Variants in UNC5D observed in about 807,000 individuals in gnomAD.
UNC5D encodes unc-5 netrin receptor D, also known as netrin receptor UNC5D.
A neutral mutation model predicts 105.4 loss-of-function variants in UNC5D; 39 were observed. That is an observed-to-expected ratio of 0.37 (90% CI 0.29 to 0.48). The LOEUF is 0.48. UNC5D is among the 20% of genes least tolerant of loss of function. The pLI is 0.98. For missense variants in UNC5D, 991 were observed against 1,202.4 expected (o/e 0.82, Z 2.60); for synonymous variants, 452 against 450.4 (o/e 1.00, Z -0.04).
At position 35,274,899 on chromosome 8, in the gene UNC5D, G is replaced by A. The variant is rs577582506; in HGVS notation, c.103+39012G>A. On this transcript the variant is annotated intron_variant, in intron 1 of 16. Transcript: ENST00000404895. The stretch of plus-strand genomic sequence containing the variant: ...GAGGTTGGGAGTTTGAGACCAGCCT[G>A]GCCAACATGGTGAAACCCCGTCTCT... 3.3e-5 allele frequency among the ~76,000 whole-genome samples: 5 copies of A among 152,076 alleles called. No homozygotes were observed. In the South Asian group the frequency reaches 8.3e-4, roughly 25 times the overall value.
chr8:35,415,201 C>T (rs1337806718), intron 1 of UNC5D, among the ~76,000 whole-genome samples: 1 of 152,046 alleles, frequency 6.6e-6, no homozygotes, highest in Non-Finnish European at 1.5e-5. Flanking sequence ...GTTTCTAAGT[C>T]TGTAATTGAT....
At chr8:35,391,426 G>C (rs1366513984) in intron 1 of UNC5D, among the ~76,000 whole-genome samples, 1 of 151,904 alleles carries the variant, frequency 6.6e-6, no homozygotes, top group Non-Finnish European at 1.5e-5. Context: ...GAAACAAAAG[G>C]GTATTCAATT....
At chr8:35,528,061 T>TA (rs1554550894) in intron 1 of UNC5D, among the ~76,000 whole-genome samples, 1 of 133,558 alleles carries the variant, frequency 7.5e-6, no homozygotes, top group Non-Finnish European at 1.6e-5. Context: ...TTTTTTTTTT[T>TA]ATACTTTAAG....
At chr8:35,643,207 C>G (rs1822858562) in intron 4 of UNC5D, among the ~76,000 whole-genome samples, 1 of 152,180 alleles carries the variant, frequency 6.6e-6, no homozygotes, top group Non-Finnish European at 1.5e-5. Flanking sequence ...CCACTTAGTC[C>G]TGCTTTCCAA....
At chr8:35,540,468 T>G (rs1815197457) in intron 1 of UNC5D, among the ~76,000 whole-genome samples, 1 of 151,864 alleles carries the variant, frequency 6.6e-6, no homozygotes, top group Admixed American at 6.6e-5. Context: ...TGTGTGTGTG[T>G]GTGTGTGTGT....
intron 1 of UNC5D, among the ~76,000 whole-genome samples, chr8:35,458,940 G>A (rs912528751): frequency 6.6e-6 from 1 of 152,154 alleles, no homozygotes; most frequent in Admixed American, 6.6e-5. Context: ...CTCTGTAGTG[G>A]ATGCAGTGGC....
intron 4 of UNC5D, among the ~76,000 whole-genome samples, chr8:35,654,272 G>A (rs768905872): frequency 2.6e-5 from 4 of 152,158 alleles, no homozygotes; most frequent in African/African-American, 7.2e-5. Flanking sequence ...TTGGAGAATA[G>A]ACTTTGGGTG....
At chr8:35,412,379 A>AT (rs1374511735) in intron 1 of UNC5D, among the ~76,000 whole-genome samples, 5 of 151,908 alleles carry the variant, frequency 3.3e-5, no homozygotes, top group Non-Finnish European at 7.4e-5. Context: ...GAAACAAATG[A>AT]TTTGACAGAG....
chr8:35,304,006 C>T (rs547575744), intron 1 of UNC5D, among the ~76,000 whole-genome samples: 2 of 152,182 alleles, frequency 1.3e-5, no homozygotes, highest in African/African-American at 4.8e-5. Flanking sequence ...GGCTATTAGA[C>T]TGCATTTCTC....
At chr8:35,732,852 A>G (rs1829269598) in intron 11 of UNC5D, among the ~76,000 whole-genome samples, 1 of 152,210 alleles carries the variant, frequency 6.6e-6, no homozygotes, top group South Asian at 2.1e-4. Flanking sequence ...CCTCATTTAC[A>G]ACTTACCTGC....
At chr8:35,441,295 T>C (rs1807380499) in intron 1 of UNC5D, among the ~76,000 whole-genome samples, 1 of 151,966 alleles carries the variant, frequency 6.6e-6, no homozygotes, top group Non-Finnish European at 1.5e-5. Context: ...ACAGTAAGAT[T>C]TTGAGAGAGA....
At chr8:35,292,942 G>C (rs1348813371) in intron 1 of UNC5D, among the ~76,000 whole-genome samples, 2 of 151,822 alleles carry the variant, frequency 1.3e-5, no homozygotes, top group Admixed American at 6.6e-5. Context: ...CACCCACCTC[G>C]GCCTTCCAAA....
intron 1 of UNC5D, among the ~76,000 whole-genome samples, chr8:35,491,190 A>C (rs1365039440): frequency 6.6e-6 from 1 of 152,178 alleles, no homozygotes; most frequent in East Asian, 1.9e-4. Flanking sequence ...AATAGGTATC[A>C]AAAAAGGACG....
chr8:35,507,475 G>T (rs943063118), intron 1 of UNC5D, among the ~76,000 whole-genome samples: 1 of 152,116 alleles, frequency 6.6e-6, no homozygotes, highest in Non-Finnish European at 1.5e-5. Flanking sequence ...CATGGCAAAG[G>T]TCCTAGAGGC....
In UNC5D at chr8:35,657,080, G is replaced by GTATATA. The variant is rs3077002; in HGVS notation, c.571-26429_571-26424dup. On this transcript the variant is annotated intron_variant, in intron 4 of 16. Coordinates refer to ENST00000404895, the MANE Select transcript of UNC5D (RefSeq NM_080872.4). The stretch of plus-strand genomic sequence containing the variant: ...TGTGTGTGTGTGTGTGTGTGTGTGT[G>GTATATA]TATATATATATATATATATATATAT... 5.0e-3 allele frequency among the ~76,000 whole-genome samples: 233 copies of GTATATA among 46,448 alleles called. 2 individuals carry two copies. The highest frequency in any genetic ancestry group is 6.9e-3 in the Non-Finnish European group (190 of 27,600). 30.5% of individuals were successfully genotyped at this position (46,448 alleles called of 152,430 possible).
intron 1 of UNC5D, among the ~76,000 whole-genome samples, chr8:35,467,141 A>C (rs1219658992): frequency 6.6e-6 from 1 of 152,204 alleles, no homozygotes; most frequent in Non-Finnish European, 1.5e-5. Flanking sequence ...TTGAGTGTGT[A>C]AGTTCAGAAA....
At chr8:35,402,861 C>T (rs1434315058) in intron 1 of UNC5D, among the ~76,000 whole-genome samples, 1 of 152,156 alleles carries the variant, frequency 6.6e-6, no homozygotes, top group Non-Finnish European at 1.5e-5. Context: ...CTCAGATCAT[C>T]CTGTTCCTAA....
intron 11 of UNC5D, among the ~76,000 whole-genome samples, chr8:35,738,600 A>T (rs1386438496): frequency 6.6e-6 from 1 of 152,214 alleles, no homozygotes; most frequent in Non-Finnish European, 1.5e-5. Flanking sequence ...GAAGATACAG[A>T]TAACTCCCTG....
intron 1 of UNC5D, among the ~76,000 whole-genome samples, chr8:35,305,605 C>CA (rs1361217174): frequency 2.1e-4 from 27 of 130,350 alleles, no homozygotes; most frequent in East Asian, 5.3e-4. Flanking sequence ...TTCTTTCTTT[C>CA]TTTCTTTCTT....
Sources: gnomAD v4.1 joint callset for allele counts (sites outside exome capture counted in the v4.1 genomes callset) on GRCh38, gnomAD v4.1.1 for gene constraint, MANE v1.5 for transcripts, NCBI Gene and HGNC (gene_info 2026-07-23, HGNC 2026-07-21) for gene names.